The following PACSIN2 variants were observed in gnomAD, a reference collection of about 807,000 sequenced individuals.
PACSIN2 encodes protein kinase C and casein kinase substrate in neurons protein 2.
PACSIN2 carries 25 observed loss-of-function variants against 63.8 expected under a neutral mutation model. The observed-to-expected ratio is 0.39, with a 90% CI of 0.29 to 0.55. The LOEUF is 0.55. Ranked by LOEUF, PACSIN2 falls within the 20% of genes least tolerant of loss-of-function variation. The pLI is 0.62. For synonymous variants in PACSIN2, 255 were observed against 256.2 expected, an observed-to-expected ratio of 1.00 and a Z score of 0.05; for missense variants, 518 against 646.9, an observed-to-expected ratio of 0.80 and a Z score of 2.16.
intron 2 of PACSIN2, among the ~76,000 whole-genome samples, chr22:42,895,130 TGGCAGCTC>T (rs1043169070): frequency 6.6e-6 from 1 of 152,198 alleles, no homozygotes; most frequent in Admixed American, 6.5e-5. Context: ...CCAGCAAGGC[TGGCAGCTC>T]GGCAGCTCGT....
intron 1 of PACSIN2, among the ~76,000 whole-genome samples, chr22:42,973,095 A>G (rs1412749776): frequency 6.6e-6 from 1 of 152,206 alleles, no homozygotes; most frequent in Non-Finnish European, 1.5e-5. Context: ...TGCAGCAAAC[A>G]CATCTGGGAC....
intron 1 of PACSIN2, among the ~76,000 whole-genome samples, chr22:42,934,760 C>T (rs544840483): frequency 4.6e-5 from 7 of 152,338 alleles, no homozygotes; most frequent in African/African-American, 1.2e-4. Context: ...AAGTTGTTAA[C>T]CCTGGTAGAT....
intron 2 of PACSIN2, among the ~76,000 whole-genome samples, chr22:42,899,957 G>T (rs1357887652): frequency 6.6e-6 from 1 of 152,118 alleles, no homozygotes; most frequent in Non-Finnish European, 1.5e-5. Context: ...ATGGGGAGGG[G>T]GCCTAGGTAT....
chr22:42,888,905 A>C, intron 4 of PACSIN2, 107 bp from the exon 5 acceptor site: 1 of 1,123,722 alleles, frequency 8.9e-7, no homozygotes, highest in South Asian at 1.3e-5. Flanking sequence ...GGGGAGAAAA[A>C]GGCAGGTACA....
chr22:42,893,366 A>C, intron 3 of PACSIN2, 91 bp downstream of exon 3: 1 of 1,334,126 alleles, frequency 7.5e-7, no homozygotes, highest in Non-Finnish European at 1.1e-6. Context: ...AAAGACAGAA[A>C]ACTGGCATAG....
chr22:42,878,300 C>T (rs376200033), intron 8 of PACSIN2, among the ~76,000 whole-genome samples: 1 of 152,352 alleles, frequency 6.6e-6, no homozygotes. Context: ...GGAATGACGA[C>T]AGCCACACCT....
intron 1 of PACSIN2, among the ~76,000 whole-genome samples, chr22:42,974,254 C>T (rs6002991): frequency 6.6e-6 from 1 of 152,002 alleles, no homozygotes; most frequent in African/African-American, 2.4e-5. Flanking sequence ...CCACCAAGGG[C>T]CTGGCGCCTG....
Position 42,916,101 on chromosome 22 carries a change from A to G in PACSIN2, c.-77-3944T>C, listed in dbSNP as rs567044149. Among the ~76,000 whole-genome samples the G allele has an allele frequency of 3.3e-5, 5 of 152,110 alleles. No individual in the cohort carries two copies. The South Asian group carries it at 1.0e-3, about 32-fold the overall frequency. Reference sequence around the variant, plus strand: ...GCAGAAAGCCATGTAATTTCTCTGAACCCCAGTTCCTGAGCTGTGCTTTAC... The same window carrying G: ...GCAGAAAGCCATGTAATTTCTCTGAGCCCCAGTTCCTGAGCTGTGCTTTAC... On this transcript the variant is annotated intron_variant, in intron 1 of 10. Coordinates refer to ENST00000263246, the MANE Select transcript of PACSIN2 (RefSeq NM_001184970.3).
chr22:42,923,089 C>T (rs1932300492), intron 1 of PACSIN2, among the ~76,000 whole-genome samples: 1 of 152,174 alleles, frequency 6.6e-6, no homozygotes. Flanking sequence ...GCAGGGTGCA[C>T]TTTAGAAAGG....
At chr22:42,924,946 C>T (rs1032504214) in intron 1 of PACSIN2, among the ~76,000 whole-genome samples, 2 of 151,538 alleles carry the variant, frequency 1.3e-5, no homozygotes, top group African/African-American at 4.8e-5. Context: ...TTGGTAGAGA[C>T]GGGGTTTCAC....
intron 6 of PACSIN2, 96 bp downstream of exon 6, chr22:42,884,290 C>G: frequency 8.6e-7 from 1 of 1,160,558 alleles, no homozygotes; most frequent in Non-Finnish European, 1.2e-6. Flanking sequence ...CTGATGAACG[C>G]GCCATCCCAA....
At chr22:42,964,887 G>A (rs1208136151) in intron 1 of PACSIN2, among the ~76,000 whole-genome samples, 1 of 151,772 alleles carries the variant, frequency 6.6e-6, no homozygotes, top group East Asian at 1.9e-4. Context: ...ACTAGTCAAG[G>A]ACTAGCAAGA....
At chr22:42,917,510 G>A (rs1419529393) in intron 1 of PACSIN2, among the ~76,000 whole-genome samples, 1 of 152,096 alleles carries the variant, frequency 6.6e-6, no homozygotes, top group Non-Finnish European at 1.5e-5. Context: ...AGCTACTCAG[G>A]AGGCTGAGGC....
intron 5 of PACSIN2, 24 bp downstream of exon 5, chr22:42,888,619 T>G: frequency 6.2e-7 from 1 of 1,611,958 alleles, no homozygotes; most frequent in Non-Finnish European, 8.5e-7. Flanking sequence ...ACACTCGACG[T>G]GTAAAAACAA....
chr22:42,982,987 C>T (rs1348118966), intron 1 of PACSIN2, among the ~76,000 whole-genome samples: 2 of 151,262 alleles, frequency 1.3e-5, no homozygotes, highest in Non-Finnish European at 2.9e-5. Flanking sequence ...TCAAGACCAG[C>T]GTGGCCAACA....
At chr22:42,911,893 C>A in intron 2 of PACSIN2, 128 bp downstream of exon 2, 2 of 687,612 alleles carry the variant, frequency 2.9e-6, no homozygotes, top group East Asian at 2.7e-5. Flanking sequence ...CTAGGTCTGA[C>A]TACAAATGCA....
intron 1 of PACSIN2, among the ~76,000 whole-genome samples, chr22:42,988,757 C>T (rs1359943184): frequency 2.0e-5 from 3 of 152,254 alleles, no homozygotes; most frequent in East Asian, 1.9e-4. Flanking sequence ...CCAGCCCACA[C>T]ATTCCAAAGA....
chr22:42,967,806 T>C (rs370781483), intron 1 of PACSIN2, among the ~76,000 whole-genome samples: 2 of 152,156 alleles, frequency 1.3e-5, no homozygotes, highest in African/African-American at 2.4e-5. Context: ...GAGAATGGCA[T>C]GAACCCGGGA....
At chr22:42,986,106 C>T (rs909909116) in intron 1 of PACSIN2, among the ~76,000 whole-genome samples, 3 of 152,106 alleles carry the variant, frequency 2.0e-5, no homozygotes, top group African/African-American at 7.2e-5. Context: ...TTTCCCTTTC[C>T]CCAGAATTAA....
Sources: allele counts gnomAD v4.1 joint callset (sites outside exome capture counted in the v4.1 genomes callset), GRCh38; gene constraint gnomAD v4.1.1; transcripts MANE v1.5; gene names NCBI Gene and HGNC (gene_info 2026-07-23, HGNC 2026-07-21).